The following PKD2L2 variants were observed in gnomAD, a reference collection of about 807,000 sequenced individuals.
The protein encoded by PKD2L2 is polycystin 2 like 2, transient receptor potential cation channel, also known as polycystin-2-like protein 2.
A neutral mutation model predicts 83.9 loss-of-function variants in PKD2L2; 67 were observed. That is an observed-to-expected ratio of 0.80 (90% confidence interval 0.66 to 0.98). The LOEUF (loss-of-function observed/expected upper bound fraction) is 0.98. Ranked by LOEUF, PKD2L2 falls within the 50% of genes least tolerant of loss-of-function variation. The probability of loss-of-function intolerance (pLI) is 0.00; values close to 1 mark genes in which losing one functional copy is unlikely to be tolerated. For missense variants in PKD2L2, 632 were observed against 717.2 expected (o/e 0.88, Z 1.36); for synonymous variants, 223 against 237.8 (o/e 0.94, Z 0.57).
chr5:137,901,781 G>C (rs1022209492), intron 5 of PKD2L2, among the ~76,000 whole-genome samples: 1 of 152,142 alleles, frequency 6.6e-6, no homozygotes, highest in African/African-American at 2.4e-5. Context: ...CTTTAGAAAG[G>C]ATTGTCGACA....
intron 12 of PKD2L2, among the ~76,000 whole-genome samples, chr5:137,933,285 T>C (rs1760039792): frequency 6.6e-6 from 1 of 152,156 alleles, no homozygotes; most frequent in African/African-American, 2.4e-5. Context: ...TCCAGTAAGA[T>C]CAAACTATCC....
chr5:137,902,460 A>T (rs1182994298), intron 5 of PKD2L2, among the ~76,000 whole-genome samples: 1 of 151,974 alleles, frequency 6.6e-6, no homozygotes, highest in Non-Finnish European at 1.5e-5. Context: ...CCTACTCAGT[A>T]TGAGGGCAAC....
At chr5:137,913,304 C>T (rs1758021851) in intron 8 of PKD2L2, among the ~76,000 whole-genome samples, 1 of 151,040 alleles carries the variant, frequency 6.6e-6, no homozygotes, top group Admixed American at 6.6e-5. Flanking sequence ...CCACCTCAGC[C>T]TCCTGAGTAG....
intron 9 of PKD2L2, among the ~76,000 whole-genome samples, chr5:137,922,207 T>C (rs1758969412): frequency 6.6e-6 from 1 of 152,218 alleles, no homozygotes; most frequent in Admixed American, 6.5e-5. Flanking sequence ...GAATCTTGCC[T>C]TTCTAGTTAA....
intron 14 of PKD2L2, chr5:137,939,512 T>C (rs1333120565): frequency 6.5e-6 from 1 of 153,554 alleles, no homozygotes; most frequent in African/African-American, 2.4e-5. Flanking sequence ...AGGCAGCATG[T>C]GGTATGATTC....
intron 4 of PKD2L2, among the ~76,000 whole-genome samples, chr5:137,899,041 A>G (rs901695775): frequency 6.6e-6 from 1 of 152,220 alleles, no homozygotes; most frequent in African/African-American, 2.4e-5. Context: ...GTCTTGCTTT[A>G]AAATTACTAG....
intron 8 of PKD2L2, among the ~76,000 whole-genome samples, chr5:137,919,914 G>A (rs1028160011): frequency 6.6e-6 from 1 of 152,132 alleles, no homozygotes; most frequent in South Asian, 2.1e-4. Context: ...ATCAACATAC[G>A]ATTAAACATT....
chr5:137,918,944 A>ATGTGTGTG (rs67036547), intron 8 of PKD2L2, among the ~76,000 whole-genome samples: 3 of 146,220 alleles, frequency 2.1e-5, no homozygotes, highest in South Asian at 2.2e-4. Context: ...GGCCTGCACA[A>ATGTGTGTG]TGTGTGTGTG....
intron 14 of PKD2L2, 31 bp downstream of exon 14, chr5:137,936,458 TTC>T (rs1277055666): frequency 2.0e-6 from 3 of 1,518,816 alleles, no homozygotes; most frequent in Admixed American, 2.0e-5. Context: ...CATTGAGCAT[TTC>T]TTTTTTTTTT....
At chr5:137,916,152 G>A (rs1172816275) in intron 8 of PKD2L2, among the ~76,000 whole-genome samples, 1 of 151,724 alleles carries the variant, frequency 6.6e-6, no homozygotes, top group East Asian at 1.9e-4. Context: ...TCACAGGCAT[G>A]AGTCATCATG....
chr5:137,925,037 C>G lies in PKD2L2; in HGVS notation c.1552-3C>G, dbSNP rs1759259632. On this transcript the variant is annotated splice_region_variant and splice_polypyrimidine_tract_variant and intron_variant, in intron 10 of 14. Transcript: ENST00000508883. ...TTTTCAAACTATTTTAAATTATGCC[C>G]AGAGTTACAAAAATGTTCTCGAGAA... The G allele has an allele frequency of 3.2e-6, 5 of 1,559,914 alleles. 1 individual carries two copies. The South Asian group carries it at 5.6e-5, about 17-fold the overall frequency.
At chr5:137,902,274 A>G (rs1464709102) in intron 5 of PKD2L2, among the ~76,000 whole-genome samples, 1 of 152,158 alleles carries the variant, frequency 6.6e-6, no homozygotes, top group Non-Finnish European at 1.5e-5. Context: ...GGTACTGTGT[A>G]AAACGTTTTT....
At chr5:137,938,160 G>C (rs1373257037) in intron 14 of PKD2L2, 2 of 152,468 alleles carry the variant, frequency 1.3e-5, no homozygotes, top group Non-Finnish European at 2.9e-5. Context: ...TACTGTCACA[G>C]AGCATAAGTG....
chr5:137,911,991 T>G (rs1757879505), intron 8 of PKD2L2, among the ~76,000 whole-genome samples: 1 of 152,256 alleles, frequency 6.6e-6, no homozygotes, highest in South Asian at 2.1e-4. Context: ...TATTTCCTCC[T>G]TTTCAAAGAT....
intron 9 of PKD2L2, 111 bp downstream of exon 9, chr5:137,921,867 A>G: frequency 4.8e-6 from 4 of 835,900 alleles, no homozygotes; most frequent in Non-Finnish European, 3.7e-6. Context: ...CTTTACATTT[A>G]TTGAGAATTG....
intron 12 of PKD2L2, among the ~76,000 whole-genome samples, chr5:137,933,111 T>G (rs567255371): frequency 6.7e-6 from 1 of 149,890 alleles, no homozygotes; most frequent in African/African-American, 2.4e-5. Context: ...TGGCAGAATC[T>G]AACAGGAATC....
chr5:137,896,462 G>A (rs1482592689), intron 4 of PKD2L2, among the ~76,000 whole-genome samples: 2 of 152,136 alleles, frequency 1.3e-5, no homozygotes, highest in African/African-American at 4.8e-5. Context: ...TCAGGCTGCA[G>A]TGCAGTGGTG....
chr5:137,916,898 T>C (rs1758408241), intron 8 of PKD2L2, among the ~76,000 whole-genome samples: 1 of 152,156 alleles, frequency 6.6e-6, no homozygotes, highest in African/African-American at 2.4e-5. Flanking sequence ...TGATGAGCTG[T>C]CAAGATTCTC....
intron 10 of PKD2L2, among the ~76,000 whole-genome samples, 166 bp downstream of exon 10, chr5:137,923,687 C>A (rs562701797): frequency 1.3e-5 from 2 of 152,124 alleles, no homozygotes; most frequent in Non-Finnish European, 2.9e-5. Context: ...TACTCATATT[C>A]GCATTATTTC....
Sources: allele counts gnomAD v4.1 joint callset (sites outside exome capture counted in the v4.1 genomes callset), GRCh38; gene constraint gnomAD v4.1.1; transcripts MANE v1.5; gene names NCBI Gene and HGNC (gene_info 2026-07-23, HGNC 2026-07-21).